Variants in UGT1A10 observed in about 807,000 individuals in gnomAD.
The protein encoded by UGT1A10 is UDP-glucuronosyltransferase 1A10.
In UGT1A10, 49 loss-of-function variants were observed where a neutral mutation model predicts 45.8. The observed-to-expected ratio is 1.07, with a 90% CI of 0.85 to 1.36. The LOEUF (loss-of-function observed/expected upper bound fraction) is 1.36. Ranked by LOEUF, UGT1A10 falls within the 40% of genes most tolerant of loss-of-function variation. The pLI is 0.00. For missense variants in UGT1A10, 745 were observed against 668.6 expected, an observed-to-expected ratio of 1.11 and a Z score of -1.26; for synonymous variants, 284 against 249.7, an observed-to-expected ratio of 1.14 and a Z score of -1.29.
At chr2:233,731,607 C>T (rs1360371440) in intron 1 of UGT1A10, among the ~76,000 whole-genome samples, 1 of 152,190 alleles carries the variant, frequency 6.6e-6, no homozygotes, top group Non-Finnish European at 1.5e-5. Context: ...CTGCAAAGGA[C>T]ATGAACTCAT....
At chr2:233,638,068 C>T (rs2125460595) in intron 1 of UGT1A10, among the ~76,000 whole-genome samples, 1 of 152,160 alleles carries the variant, frequency 6.6e-6, no homozygotes, top group Non-Finnish European at 1.5e-5. Flanking sequence ...TATATTCTTG[C>T]TTTTATCTTA....
intron 1 of UGT1A10, among the ~76,000 whole-genome samples, chr2:233,658,378 T>C (rs1407971862): frequency 3.9e-5 from 6 of 152,206 alleles, no homozygotes; most frequent in African/African-American, 1.4e-4. Context: ...TAACCAACAT[T>C]TGATACATTA....
intron 1 of UGT1A10, among the ~76,000 whole-genome samples, chr2:233,759,862 C>CG (rs1187070955): frequency 6.6e-6 from 1 of 152,064 alleles, no homozygotes; most frequent in African/African-American, 2.4e-5. Context: ...ATGGCGAAAG[C>CG]GGGGGTACAG....
intron 1 of UGT1A10, among the ~76,000 whole-genome samples, chr2:233,685,506 A>T (rs772967673): frequency 6.6e-6 from 1 of 152,256 alleles, no homozygotes; most frequent in Non-Finnish European, 1.5e-5. Flanking sequence ...TTACAGCAAG[A>T]AAAGATCTAT....
At chr2:233,719,425 C>T (rs766948934) in intron 1 of UGT1A10, 1 of 1,613,998 alleles carries the variant, frequency 6.2e-7, no homozygotes, top group East Asian at 2.2e-5. Context: ...ACGACCAATT[C>T]AGACCACATG....
chr2:233,688,861 G>A (rs1162676732), intron 1 of UGT1A10, among the ~76,000 whole-genome samples: 1 of 152,134 alleles, frequency 6.6e-6, no homozygotes, highest in Non-Finnish European at 1.5e-5. Flanking sequence ...ATCATAGGGG[G>A]CCTTGCAGGA....
At chr2:233,691,355 C>G (rs2075039802) in intron 1 of UGT1A10, 1 of 985,428 alleles carries the variant, frequency 1.0e-6, no homozygotes, top group African/African-American at 1.7e-5. Context: ...ATGCCTTGAA[C>G]AATGAATTTG....
intron 1 of UGT1A10, among the ~76,000 whole-genome samples, chr2:233,716,998 C>A (rs2076539575): frequency 6.6e-6 from 1 of 152,190 alleles, no homozygotes; most frequent in African/African-American, 2.4e-5. Context: ...GTCCTCAGGG[C>A]CCCTATGTCT....
At chr2:233,756,805 G>A (rs1176135462) in intron 1 of UGT1A10, among the ~76,000 whole-genome samples, 2 of 151,978 alleles carry the variant, frequency 1.3e-5, no homozygotes, top group South Asian at 2.1e-4. Context: ...CACTAGTAAA[G>A]GTCACTCAAT....
intron 1 of UGT1A10, among the ~76,000 whole-genome samples, chr2:233,701,820 G>C (rs1478449755): frequency 2.6e-5 from 4 of 152,146 alleles, no homozygotes; most frequent in African/African-American, 4.8e-5. Context: ...CAACATACCA[G>C]AATCTCTGGG....
At chr2:233,695,293 T>A (rs192204458) in intron 1 of UGT1A10, among the ~76,000 whole-genome samples, 1 of 152,146 alleles carries the variant, frequency 6.6e-6, no homozygotes, top group Admixed American at 6.5e-5. Context: ...TCCCAGCTAA[T>A]TTTTGCATTT....
rs148565852 is a variant in UGT1A10, at chr2:233,719,296, C to T, written c.856-47738C>T. 4.0e-5 allele frequency: 64 copies of T among 1,613,940 alleles called. 1 individual carries two copies. The Admixed American group carries it at 4.5e-4, about 11-fold the overall frequency. ...ACAGACCCCGTTAACCTCTGTGGGG[C>T]GGTGCTGGCTAAGTACCTGTCGATT... On this transcript the variant is annotated intron_variant, in intron 1 of 4. Coordinates refer to ENST00000344644, the MANE Select transcript of UGT1A10 (RefSeq NM_019075.4).
chr2:233,640,148 A>G (rs1440366923), intron 1 of UGT1A10, among the ~76,000 whole-genome samples: 1 of 152,226 alleles, frequency 6.6e-6, no homozygotes, highest in East Asian at 1.9e-4. Flanking sequence ...TTTGGTTGAC[A>G]AGACTAAGGC....
intron 1 of UGT1A10, among the ~76,000 whole-genome samples, chr2:233,683,637 T>C (rs1227086066): frequency 6.6e-6 from 1 of 152,098 alleles, no homozygotes; most frequent in East Asian, 1.9e-4. Context: ...ATAAATAAAA[T>C]TTTGCACTTT....
intron 1 of UGT1A10, among the ~76,000 whole-genome samples, chr2:233,707,644 A>G (rs1415954935): frequency 1.3e-5 from 2 of 151,818 alleles, no homozygotes; most frequent in African/African-American, 4.8e-5. Context: ...CATTGTATGA[A>G]TACACCACAA....
chr2:233,693,032 A>G (rs535145874), intron 1 of UGT1A10: 2 of 1,614,132 alleles, frequency 1.2e-6, no homozygotes, highest in Admixed American at 1.7e-5. Flanking sequence ...CTCATTTCAG[A>G]GAATTTCTGC....
intron 1 of UGT1A10, among the ~76,000 whole-genome samples, chr2:233,649,448 A>G (rs983288497): frequency 6.6e-6 from 1 of 152,202 alleles, no homozygotes; most frequent in Non-Finnish European, 1.5e-5. Context: ...CTGCAGTAAA[A>G]TGTTCTTTGC....
intron 1 of UGT1A10, chr2:233,691,346 T>C (rs2075039173): frequency 1.0e-6 from 1 of 985,522 alleles, no homozygotes; most frequent in Non-Finnish European, 1.2e-6. Flanking sequence ...AGTCTTCGCA[T>C]GCCTTGAACA....
At chr2:233,749,597 A>G (rs1694229445) in intron 1 of UGT1A10, among the ~76,000 whole-genome samples, 1 of 151,834 alleles carries the variant, frequency 6.6e-6, no homozygotes, top group South Asian at 2.1e-4. Flanking sequence ...ACATGAAGTC[A>G]CACTAGATTT....
Sources: gnomAD v4.1 joint callset for allele counts (sites outside exome capture counted in the v4.1 genomes callset) on GRCh38, gnomAD v4.1.1 for gene constraint, MANE v1.5 for transcripts, NCBI Gene and HGNC (gene_info 2026-07-23, HGNC 2026-07-21) for gene names.